EIF4E3: variants seen among roughly 807,000 people sequenced by gnomAD.
EIF4E3 encodes eukaryotic translation initiation factor 4E type 3.
EIF4E3 carries 26 observed loss-of-function variants against 31.7 expected under a neutral mutation model. The observed-to-expected ratio is 0.82, with a 90% CI of 0.60 to 1.14. The LOEUF (loss-of-function observed/expected upper bound fraction) is 1.14. Among genes scored for constraint, EIF4E3 ranks in the 50% most tolerant of loss-of-function variants. EIF4E3 has a pLI of 0.00. For missense variants in EIF4E3, 304 were observed against 270.9 expected (o/e 1.12, Z -0.86); for synonymous variants, 128 against 107.7 (o/e 1.19, Z -1.17).
chr3:71,664,067 A>G, the EIF4E3 span, among the ~76,000 whole-genome samples: 4 of 152,142 alleles, frequency 2.6e-5, no homozygotes, highest in African/African-American at 9.7e-5. Context: ...ATGGGAGTGG[A>G]TCCAGAAAAG....
intron 4 of EIF4E3, among the ~76,000 whole-genome samples, chr3:71,694,341 T>C (rs1214857063): frequency 6.6e-6 from 1 of 152,184 alleles, no homozygotes; most frequent in African/African-American, 2.4e-5. Flanking sequence ...CAAAATCCTT[T>C]CTCTGTTTTT....
At chr3:71,712,441 C>T (rs565497777) in intron 1 of EIF4E3, among the ~76,000 whole-genome samples, 1 of 152,114 alleles carries the variant, frequency 6.6e-6, no homozygotes, top group African/African-American at 2.4e-5. Flanking sequence ...GGGAAAAAAA[C>T]TTCAAAACTC....
At chr3:71,731,806 G>A (rs560025907) in intron 1 of EIF4E3, among the ~76,000 whole-genome samples, 2 of 152,308 alleles carry the variant, frequency 1.3e-5, no homozygotes, top group South Asian at 2.1e-4. Flanking sequence ...CTCACAGGCT[G>A]AGGTCTGAAA....
At chr3:71,665,501 A>C in the EIF4E3 span, among the ~76,000 whole-genome samples, 1 of 152,218 alleles carries the variant, frequency 6.6e-6, no homozygotes, top group Non-Finnish European at 1.5e-5. Flanking sequence ...CTTTTCCCCT[A>C]TTTTGAATGT....
chr3:71,674,322 G>A (rs540978721), downstream of EIF4E3, among the ~76,000 whole-genome samples: 1 of 151,778 alleles, frequency 6.6e-6, no homozygotes, highest in Admixed American at 6.6e-5. Flanking sequence ...GGCCGGGCTG[G>A]TCTTGAACTC....
At chr3:71,727,908 TG>T (rs2049659473), upstream of EIF4E3, among the ~76,000 whole-genome samples, 1 of 152,210 alleles carries the variant, frequency 6.6e-6, no homozygotes. Context: ...GTGTACCACA[TG>T]AAAAAATTCC....
intron 1 of EIF4E3, among the ~76,000 whole-genome samples, chr3:71,723,899 G>A (rs936189413): frequency 4.6e-5 from 7 of 151,792 alleles, no homozygotes; most frequent in East Asian, 3.9e-4. Flanking sequence ...TTGGGTCTCC[G>A]GCAAAGAAAA....
chr3:71,735,964 A>G (rs141391167), intron 1 of EIF4E3, among the ~76,000 whole-genome samples: 1 of 152,346 alleles, frequency 6.6e-6, no homozygotes, highest in African/African-American at 2.4e-5. Flanking sequence ...AACAATAAGA[A>G]AATGAACACC....
intron 1 of EIF4E3, among the ~76,000 whole-genome samples, chr3:71,724,595 G>A (rs1346252648): frequency 6.6e-6 from 1 of 152,188 alleles, no homozygotes; most frequent in Non-Finnish European, 1.5e-5. Context: ...AATCTCCAGC[G>A]CATAGCAGGT....
upstream of EIF4E3, among the ~76,000 whole-genome samples, chr3:71,728,127 C>T (rs1241270872): frequency 6.6e-6 from 1 of 152,046 alleles, no homozygotes; most frequent in Non-Finnish European, 1.5e-5. Context: ...CATATATGCA[C>T]CTTACACTGA....
the EIF4E3 span, among the ~76,000 whole-genome samples, chr3:71,667,182 G>A: frequency 6.6e-6 from 1 of 152,082 alleles, no homozygotes; most frequent in Admixed American, 6.5e-5. Flanking sequence ...ATGTAGAAAA[G>A]GACTTCGATA....
chr3:71,668,555 A>G, the EIF4E3 span, among the ~76,000 whole-genome samples: 2 of 152,264 alleles, frequency 1.3e-5, no homozygotes, highest in African/African-American at 4.8e-5. Context: ...ACAAGAAAAA[A>G]AAAACAACCC....
At chr3:71,745,299 C>G (rs1323871289) in intron 1 of EIF4E3, among the ~76,000 whole-genome samples, 1 of 152,046 alleles carries the variant, frequency 6.6e-6, no homozygotes, top group African/African-American at 2.4e-5. Context: ...AGAGGGTGGG[C>G]ATTTAAAAGA....
At chr3:71,725,476 C>A (rs535855642), upstream of EIF4E3, 7,375 of 598,370 alleles carry the variant, frequency 0.012, 500 homozygotes, top group African/African-American at 0.15. The surrounding 1 kb of genome is among the most constrained non-coding windows in gnomAD (Gnocchi z 6.1). Flanking sequence ...CGCCCCGCCC[C>A]GGGCTAGCCG....
At chr3:71,693,845 AG>A (rs538955065) in intron 5 of EIF4E3, 29 bp downstream of exon 5, 1 of 1,510,550 alleles carries the variant, frequency 6.6e-7, no homozygotes, top group African/African-American at 1.4e-5. Context: ...CACACGAGGC[AG>A]GGCCGGCCGG....
At chr3:71,715,064 G>C (rs552953992) in intron 1 of EIF4E3, among the ~76,000 whole-genome samples, 11 of 152,324 alleles carry the variant, frequency 7.2e-5, no homozygotes, top group African/African-American at 2.4e-4. Context: ...GCTCATCTGA[G>C]AGTGATGTTG....
chr3:71,727,556 G>A (rs529489538), upstream of EIF4E3, among the ~76,000 whole-genome samples: 79 of 152,144 alleles, frequency 5.2e-4, no homozygotes, highest in African/African-American at 1.8e-3. Flanking sequence ...TTATATTTAT[G>A]GCTTTCTTCA....
At chr3:71,708,837 A>G (rs1025970884) in intron 2 of EIF4E3, among the ~76,000 whole-genome samples, 3 of 152,096 alleles carry the variant, frequency 2.0e-5, no homozygotes, top group Non-Finnish European at 4.4e-5. Context: ...TAGCGCGTTG[A>G]TTTCTCTGGA....
chr3:71,714,678 G>C (rs1182843991), intron 1 of EIF4E3, among the ~76,000 whole-genome samples: 2 of 152,208 alleles, frequency 1.3e-5, no homozygotes, highest in East Asian at 1.9e-4. Context: ...AATTTCAAAA[G>C]AGCAAATAAC....
Sources: allele counts gnomAD v4.1 joint callset (sites outside exome capture counted in the v4.1 genomes callset), GRCh38; gene constraint gnomAD v4.1.1; non-coding constraint Gnocchi (gnomAD v3.1); transcripts MANE v1.5; gene names NCBI Gene and HGNC (gene_info 2026-07-23, HGNC 2026-07-21).